Variants in SETD5 observed in about 807,000 individuals in gnomAD.
The protein encoded by SETD5 is histone-lysine N-methyltransferase SETD5.
Under a neutral mutation model 153.3 loss-of-function variants are expected in SETD5, and 44 were observed. That is an observed-to-expected ratio of 0.29 (90% CI 0.23 to 0.37). The LOEUF is 0.37. SETD5 is among the 10% of genes least tolerant of loss of function. The pLI is 1.00. For missense variants in SETD5, 1,544 were observed against 1,768.0 expected, an observed-to-expected ratio of 0.87 and a Z score of 2.27; for synonymous variants, 716 against 645.2, an observed-to-expected ratio of 1.11 and a Z score of -1.66.
intron 17 of SETD5, among the ~76,000 whole-genome samples, chr3:9,458,222 A>G (rs1432442589): frequency 6.6e-6 from 1 of 152,146 alleles, no homozygotes; most frequent in Non-Finnish European, 1.5e-5. Flanking sequence ...CCAGGAGTCA[A>G]GTTCAACCTG....
chr3:9,466,028 C>T (rs138172673), intron 18 of SETD5, among the ~76,000 whole-genome samples: 1 of 152,226 alleles, frequency 6.6e-6, no homozygotes, highest in East Asian at 1.9e-4. Context: ...GTGGCTCACA[C>T]CTATAATCCC....
intron 7 of SETD5, 83 bp downstream of exon 7, chr3:9,435,989 A>C: frequency 1.5e-6 from 2 of 1,348,896 alleles, no homozygotes; most frequent in Non-Finnish European, 2.0e-6. Context: ...AATTCTTTTA[A>C]GAAGTTTGAT....
intron 1 of SETD5, among the ~76,000 whole-genome samples, chr3:9,399,496 A>T (rs62246275): frequency 0.12 from 18,641 of 151,894 alleles, 1,445 homozygotes; most frequent in Non-Finnish European, 0.18. Flanking sequence ...TGTAGCCAAA[A>T]ATTCTGGCCT....
intron 17 of SETD5, among the ~76,000 whole-genome samples, chr3:9,460,591 A>C (rs560368397): frequency 2.1e-3 from 326 of 152,280 alleles, no homozygotes; most frequent in African/African-American, 6.6e-3. Context: ...GTATTGGACA[A>C]TAAGTGGAAA....
At chr3:9,414,577 T>C (rs1401919612) in intron 1 of SETD5, among the ~76,000 whole-genome samples, 1 of 152,208 alleles carries the variant, frequency 6.6e-6, no homozygotes, top group Non-Finnish European at 1.5e-5. Flanking sequence ...ATACATTGTT[T>C]AGTCCTGTCT....
At chr3:9,455,015 AAATGTAATG>A (rs1174666104) in intron 17 of SETD5, among the ~76,000 whole-genome samples, 8 of 152,254 alleles carry the variant, frequency 5.3e-5, no homozygotes, top group Admixed American at 2.0e-4. Context: ...CTTGCTGAAT[AAATGTAATG>A]AACTTGAATT....
Position 9,445,249 on chromosome 3 carries a change from C to G in SETD5, c.1389C>G (p.Asp463Glu). Residue 463 changes from aspartate (D) to glutamate (E), a missense_variant, in exon 12 of 23, where the codon GAC becomes GAG. Coordinates refer to ENST00000402198, the MANE Select transcript of SETD5 (RefSeq NM_001080517.3). ...QQNEASEENN[D>E]QQSQEVPEKV... ...ATGAGGCTTCAGAGGAGAATAATGACCAGCAATCACAAGAAGTTCCAGAAA... is the reference window on the plus strand; with the variant it reads ...ATGAGGCTTCAGAGGAGAATAATGAGCAGCAATCACAAGAAGTTCCAGAAA... 1 of 1,610,970 alleles carries G rather than the reference C, an allele frequency of 6.2e-7. No individual in the cohort carries two copies. Among genetic ancestry groups the G allele is most frequent in the East Asian group, 2.2e-5 (1 of 44,770 alleles).
Position 9,434,460 on chromosome 3 carries a change from T to G in SETD5, c.304T>G (p.Phe102Val), listed in dbSNP as rs774094146. 6.2e-7 allele frequency: 1 copy of G among 1,613,982 alleles called. No homozygotes were observed. Residue 102 changes from phenylalanine to valine, a missense_variant, in exon 5 of 23, where the codon TTC becomes GTC. By Grantham distance (50) the Phe-to-Val change is conservative. Transcript: ENST00000402198. The surrounding 1 kb of genome is among the most constrained non-coding windows in gnomAD (Gnocchi z 5.6). ...TCCTTGTGGTCTTTCTCAGGATGGC[T>G]TCCTTCTCAACTGTGACAAGTGCAG... Reference protein sequence around the residue: ...WCPCGLSQDGFLLNCDKCRGM... With the variant: ...WCPCGLSQDGVLLNCDKCRGM...
chr3:9,473,963 G>A (rs989631391), intron 20 of SETD5, among the ~76,000 whole-genome samples: 2 of 152,152 alleles, frequency 1.3e-5, no homozygotes, highest in Non-Finnish European at 2.9e-5. Flanking sequence ...TCTGGTTTAG[G>A]GGAGACCACA....
chr3:9,440,370 C>G (rs1380322342), intron 7 of SETD5, 86 bp from the exon 8 acceptor site: 22 of 706,634 alleles, frequency 3.1e-5, no homozygotes, highest in Non-Finnish European at 5.3e-5. Context: ...TAAATTTTCT[C>G]TGGAACCCCA....
chr3:9,439,243 CTTTG>C (rs1392488079), intron 7 of SETD5, among the ~76,000 whole-genome samples: 15 of 152,134 alleles, frequency 9.9e-5, no homozygotes, highest in Admixed American at 9.8e-4. Flanking sequence ...CTTTAGATCC[CTTTG>C]TTTATTGTTC....
At chr3:9,445,359 C>G in intron 12 of SETD5, 59 bp downstream of exon 12, 1 of 1,556,938 alleles carries the variant, frequency 6.4e-7, no homozygotes, top group South Asian at 1.2e-5. Context: ...GGAAGAGGAA[C>G]CCGGGTTGCC....
intron 6 of SETD5, among the ~76,000 whole-genome samples, 153 bp downstream of exon 6, chr3:9,435,035 G>A (rs1318303125): frequency 6.6e-6 from 1 of 151,958 alleles, no homozygotes; most frequent in Non-Finnish European, 1.5e-5. Context: ...ACCTGAGGTC[G>A]GGAGTTTGAG....
intron 3 of SETD5, chr3:9,430,167 T>A (rs993808679): frequency 9.9e-7 from 1 of 1,010,322 alleles, no homozygotes; most frequent in Non-Finnish European, 1.2e-6. Context: ...ATGACATCCC[T>A]GATTAATAAG....
intron 18 of SETD5, among the ~76,000 whole-genome samples, chr3:9,465,917 C>T (rs1175570135): frequency 6.6e-6 from 1 of 152,124 alleles, no homozygotes; most frequent in Non-Finnish European, 1.5e-5. Flanking sequence ...GAGGAATTCT[C>T]CCTGGAGGGC....
chr3:9,474,843 C>A (rs527847281), intron 21 of SETD5: 3 of 619,952 alleles, frequency 4.8e-6, no homozygotes, highest in Admixed American at 3.0e-5. Flanking sequence ...AAATCTACCT[C>A]GATGAAGGAT....
At chr3:9,399,150 T>C (rs922132534) in intron 1 of SETD5, among the ~76,000 whole-genome samples, 1 of 152,224 alleles carries the variant, frequency 6.6e-6, no homozygotes, top group African/African-American at 2.4e-5. Flanking sequence ...AGATGACATA[T>C]TTGTGACCAA....
chr3:9,459,251 C>T (rs1219064917), intron 17 of SETD5, among the ~76,000 whole-genome samples: 1 of 151,996 alleles, frequency 6.6e-6, no homozygotes, highest in African/African-American at 2.4e-5. Flanking sequence ...TTAACAATTG[C>T]AAAAACTATA....
chr3:9,409,862 TCA>T (rs2036281716), intron 1 of SETD5, among the ~76,000 whole-genome samples: 2 of 152,348 alleles, frequency 1.3e-5, no homozygotes, highest in South Asian at 4.1e-4. Context: ...GCCCAAAATC[TCA>T]GTTTTCACTA....
Sources: gnomAD v4.1 joint callset for allele counts (sites outside exome capture counted in the v4.1 genomes callset) on GRCh38, gnomAD v4.1.1 for gene constraint, Gnocchi (gnomAD v3.1) non-coding constraint, MANE v1.5 for transcripts, NCBI Gene and HGNC (gene_info 2026-07-23, HGNC 2026-07-21) for gene names.